The following ANO10 variants were observed in gnomAD, a reference collection of about 807,000 sequenced individuals.
The protein encoded by ANO10 is anoctamin-10.
A neutral mutation model predicts 74.7 loss-of-function variants in ANO10; 77 were observed. The ratio of observed to expected loss-of-function variants is 1.03; its 90% CI spans 0.86 to 1.25. ANO10 has a LOEUF of 1.25. Among genes scored for constraint, ANO10 ranks in the 50% most tolerant of loss-of-function variants. The pLI, the probability that ANO10 is intolerant of heterozygous loss-of-function variation, is 0.00. For synonymous variants in ANO10, 279 were observed against 284.9 expected (o/e 0.98, Z 0.21); for missense variants, 721 against 778.1 (o/e 0.93, Z 0.87).
intron 11 of ANO10, among the ~76,000 whole-genome samples, chr3:43,456,241 C>CT (rs2075121355): frequency 6.6e-6 from 1 of 152,172 alleles, no homozygotes; most frequent in African/African-American, 2.4e-5. Context: ...TAATGATACT[C>CT]TCAGCTGCAT....
In ANO10 at chr3:43,651,499, T is replaced by C. The variant is rs116499307; in HGVS notation, c.-12+40018A>G. On this transcript the variant is annotated intron_variant, in intron 1 of 3. Transcript: ENST00000413397. ...TTTGGAAGATAGAAGTAAAGTGTCT[T>C]AAAAAAAGAGGGAGTATTTTTTTCT... Among the ~76,000 whole-genome samples, 1,329 of 152,216 alleles carry C rather than the reference T, an allele frequency of 8.7e-3. 12 individuals are homozygous for C. Among genetic ancestry groups the C allele is most frequent in the Non-Finnish European group, 0.011 (749 of 68,006 alleles).
intron 1 of ANO10, among the ~76,000 whole-genome samples, chr3:43,669,598 T>C (rs1254397400): frequency 6.6e-6 from 1 of 152,190 alleles, no homozygotes; most frequent in African/African-American, 2.4e-5. Context: ...TTCACTTCTC[T>C]GATGGAGCTA....
chr3:43,466,680 T>C (rs1309261740), intron 11 of ANO10, among the ~76,000 whole-genome samples: 1 of 152,098 alleles, frequency 6.6e-6, no homozygotes, highest in Non-Finnish European at 1.5e-5. Context: ...AAGAAAATCT[T>C]CAGGACCTTA....
chr3:43,481,181 T>G (rs1048113267), intron 11 of ANO10, among the ~76,000 whole-genome samples: 2 of 152,122 alleles, frequency 1.3e-5, no homozygotes, highest in Non-Finnish European at 2.9e-5. Flanking sequence ...TTGAGTCATA[T>G]ACTCTAGGAA....
At chr3:43,543,491 G>A (rs1335986838) in intron 11 of ANO10, among the ~76,000 whole-genome samples, 1 of 152,182 alleles carries the variant, frequency 6.6e-6, no homozygotes, top group Non-Finnish European at 1.5e-5. Flanking sequence ...CCGAATTCAC[G>A]ACATTCTCCT....
At chr3:43,582,413 C>T (rs975402928) in intron 4 of ANO10, among the ~76,000 whole-genome samples, 1 of 151,996 alleles carries the variant, frequency 6.6e-6, no homozygotes. Context: ...CACCATTGCA[C>T]TCCAGCCTGG....
At chr3:43,389,893 T>A (rs138790277) in intron 12 of ANO10, among the ~76,000 whole-genome samples, 40 of 152,234 alleles carry the variant, frequency 2.6e-4, no homozygotes, top group South Asian at 1.5e-3. Flanking sequence ...GGAAAGCACG[T>A]ACTAGACGGA....
chr3:43,678,421 C>A (rs2084150220), intron 1 of ANO10, among the ~76,000 whole-genome samples: 2 of 152,132 alleles, frequency 1.3e-5, no homozygotes, highest in Admixed American at 6.5e-5. Context: ...CAGCGCCACA[C>A]CCTGGGCCTG....
chr3:43,589,796 C>A (rs2149443665), intron 4 of ANO10, among the ~76,000 whole-genome samples: 1 of 152,152 alleles, frequency 6.6e-6, no homozygotes, highest in African/African-American at 2.4e-5. Flanking sequence ...ATGAAGACAT[C>A]TATATGATGG....
rs992540742 is a variant in ANO10 at position 43,588,188 on chromosome 3, T to C, written c.473-7716A>G. On this transcript the variant is annotated intron_variant, in intron 4 of 12. Coordinates refer to ENST00000292246, the MANE Select transcript of ANO10 (RefSeq NM_018075.5). ...GAACTTGTATTGTTAATATTAAAAT[T>C]AGCATGCCTTACAAGCTATTTTATG... is the stretch of plus-strand genomic sequence containing the variant. Among the ~76,000 whole-genome samples, 9 of 152,278 alleles carry C rather than the reference T, an allele frequency of 5.9e-5. No homozygotes were observed. The East Asian group carries it at 7.7e-4, about 13-fold the overall frequency.
chr3:43,405,836 T>C (rs942190042), intron 12 of ANO10, among the ~76,000 whole-genome samples: 1 of 152,212 alleles, frequency 6.6e-6, no homozygotes, highest in African/African-American at 2.4e-5. Flanking sequence ...TGCCTAATTA[T>C]TGACAAATGA....
At chr3:43,587,393 G>A (rs538391832) in intron 4 of ANO10, among the ~76,000 whole-genome samples, 15 of 152,248 alleles carry the variant, frequency 9.9e-5, no homozygotes, top group African/African-American at 1.9e-4. Context: ...ACAGAGAAAC[G>A]GGGAGGCCAG....
At chr3:43,404,176 G>A (rs1424238879) in intron 12 of ANO10, among the ~76,000 whole-genome samples, 5 of 152,208 alleles carry the variant, frequency 3.3e-5, no homozygotes, top group Admixed American at 3.3e-4. Flanking sequence ...TGTCCCTGAG[G>A]CCAGAGACTC....
At position 43,596,343 on chromosome 3, in the gene ANO10, C is replaced by T. The variant is rs142343290; in HGVS notation, c.472+2189G>A. Among the ~76,000 whole-genome samples the T allele has an allele frequency of 5.7e-3, 866 of 151,852 alleles. 9 individuals carry two copies. Among genetic ancestry groups the T allele is most frequent in the African/African-American group, 0.02 (813 of 41,372 alleles). On this transcript the variant is annotated intron_variant, in intron 4 of 12. Coordinates refer to ENST00000292246, the MANE Select transcript of ANO10 (RefSeq NM_018075.5). Reference sequence around the variant, plus strand: ...CAAAAGAACAAAGCTGGAGGCATCACGCTACCTGACTTCAAACTATACTAC... The same window carrying T: ...CAAAAGAACAAAGCTGGAGGCATCATGCTACCTGACTTCAAACTATACTAC...
intron 1 of ANO10, among the ~76,000 whole-genome samples, chr3:43,634,804 A>G (rs1003045002): frequency 6.6e-6 from 1 of 152,218 alleles, no homozygotes; most frequent in South Asian, 2.1e-4. Flanking sequence ...TGATTAGCAC[A>G]GGCAATCAGA....
Position 43,645,180 on chromosome 3 carries a change from G to T in ANO10, c.-11-39317C>A, listed in dbSNP as rs145784695. On this transcript the variant is annotated intron_variant, in intron 1 of 3. Transcript: ENST00000413397. ...TCCTTATTCACTATGCAAGGCTCTGGTCTAATTTGTGGTTGGCTTCAGAAA... is the reference window on the plus strand; with the variant it reads ...TCCTTATTCACTATGCAAGGCTCTGTTCTAATTTGTGGTTGGCTTCAGAAA... Among the ~76,000 whole-genome samples, 701 of 152,160 alleles carry T rather than the reference G, an allele frequency of 4.6e-3. 22 individuals are homozygous for T. Among genetic ancestry groups the T allele is most frequent in the Admixed American group, 0.035 (539 of 15,278 alleles).
chr3:43,428,111 G>A (rs570371665), intron 12 of ANO10, among the ~76,000 whole-genome samples: 11 of 151,902 alleles, frequency 7.2e-5, no homozygotes, highest in South Asian at 2.1e-4. Context: ...GTGCAGAGGC[G>A]TGATCTTGGC....
At chr3:43,527,130 T>C (rs1021965006) in intron 11 of ANO10, among the ~76,000 whole-genome samples, 2 of 152,044 alleles carry the variant, frequency 1.3e-5, no homozygotes, top group African/African-American at 4.8e-5. Flanking sequence ...TATGGACTCA[T>C]CTGTGTAAAC....
Position 43,555,329 on chromosome 3 carries a change from C to T in ANO10, c.1617G>A (p.Arg539=). Residue 539 remains arginine, a synonymous_variant, in exon 10 of 13, where the codon AGG becomes AGA. Coordinates refer to ENST00000292246, the MANE Select transcript of ANO10 (RefSeq NM_018075.5). ...EVNSDALKMC[R]VFKRPFSEPS... Reference sequence around the variant, plus strand: ...GTTCTGAGAATGGACGTTTGAAGACCCTGCACATTTTTAAGGCATCTGAAT... The same window carrying T: ...GTTCTGAGAATGGACGTTTGAAGACTCTGCACATTTTTAAGGCATCTGAAT... The T allele has an allele frequency of 1.2e-6, 2 of 1,613,990 alleles. No homozygotes were observed. Among genetic ancestry groups the T allele is most frequent in the East Asian group, 2.2e-5 (1 of 44,868 alleles).
Sources: gnomAD v4.1 joint callset for allele counts (sites outside exome capture counted in the v4.1 genomes callset) on GRCh38, gnomAD v4.1.1 for gene constraint, MANE v1.5 for transcripts, NCBI Gene and HGNC (gene_info 2026-07-23, HGNC 2026-07-21) for gene names.